MARVELD2: variants seen among roughly 807,000 people sequenced by gnomAD.
The protein encoded by MARVELD2 is MARVEL domain containing 2.
A neutral mutation model predicts 57.6 loss-of-function variants in MARVELD2; 49 were observed. The ratio of observed to expected loss-of-function variants is 0.85; its 90% CI spans 0.68 to 1.08. The LOEUF (loss-of-function observed/expected upper bound fraction) is 1.08. Among genes scored for constraint, MARVELD2 ranks in the 50% least tolerant of loss-of-function variants. MARVELD2 has a pLI of 0.00. For missense variants in MARVELD2, 606 were observed against 701.1 expected, an observed-to-expected ratio of 0.86 and a Z score of 1.53; for synonymous variants, 238 against 258.8, an observed-to-expected ratio of 0.92 and a Z score of 0.77.
intron 5 of MARVELD2, among the ~76,000 whole-genome samples, chr5:69,435,402 AC>A (rs1767102006): frequency 6.6e-6 from 1 of 152,098 alleles, no homozygotes; most frequent in Admixed American, 6.6e-5. Flanking sequence ...TAGTATAGTT[AC>A]AGAGTTTTGC....
At chr5:69,433,909 C>T (rs1186578844) in intron 5 of MARVELD2, among the ~76,000 whole-genome samples, 1 of 151,100 alleles carries the variant, frequency 6.6e-6, no homozygotes, top group African/African-American at 2.4e-5. Flanking sequence ...AACAGTATTT[C>T]TTCTTTTTTT....
chr5:69,431,507 C>G (rs895718781), intron 3 of MARVELD2, among the ~76,000 whole-genome samples: 12 of 152,140 alleles, frequency 7.9e-5, no homozygotes, highest in Non-Finnish European at 1.8e-4. Flanking sequence ...TTTAAGTAGG[C>G]TTGTTCCATT....
rs1766561455 is a variant in MARVELD2, at chr5:69,419,920, T to C, written c.535T>C (p.Tyr179His). ...AACATACAGTGAGAAGGTGGAGGAG[T>C]ATAACCTGAGATACTCCTACATGAA... ...VRTYSEKVEE[Y>H]NLRYSYMKSW... The change falls in exon 2 of 7, where the codon TAT (tyrosine) becomes CAT (histidine). Residue 179 changes from tyrosine (Y) to histidine (H), a missense_variant. By Grantham distance (83) the Tyr-to-His change is moderately conservative (BLOSUM62 2). Transcript: ENST00000325631. The C allele has an allele frequency of 6.2e-7, 1 of 1,613,284 alleles. No individual in the cohort carries two copies. Among genetic ancestry groups the C allele is most frequent in the African/African-American group, 1.3e-5 (1 of 74,606 alleles).
chr5:69,438,153 A>T (rs1056731828), intron 5 of MARVELD2, among the ~76,000 whole-genome samples: 1 of 152,146 alleles, frequency 6.6e-6, no homozygotes, highest in Non-Finnish European at 1.5e-5. Flanking sequence ...TCCCACAGAC[A>T]TGGTTGTGCA....
At chr5:69,433,118 G>A (rs1767019630) in intron 5 of MARVELD2, 25 bp downstream of exon 5, 2 of 1,590,378 alleles carry the variant, frequency 1.3e-6, no homozygotes, top group Non-Finnish European at 1.7e-6. Flanking sequence ...CTGCCTAGGA[G>A]GAGCACTGAA....
Position 69,432,621 on chromosome 5 carries a change from G to C in MARVELD2, c.1277G>C (p.Gly426Ala). 2 of 1,614,118 alleles carry C rather than the reference G, an allele frequency of 1.2e-6. No homozygotes were observed. Among genetic ancestry groups the C allele is most frequent in the Non-Finnish European group, 1.7e-6 (2 of 1,180,026 alleles). ...AAAATGAAACCTGAACTACTGAGTG[G>C]ACACATCCCCCCAGGCCACATTCCT... ...TAKMKPELLS[G>A]HIPPGHIPKP... Residue 426 changes from glycine (G) to alanine (A), a missense_variant, in exon 4 of 7, where the codon GGA becomes GCA. Coordinates refer to ENST00000325631, the MANE Select transcript of MARVELD2 (RefSeq NM_001038603.3).
chr5:69,432,929 C>T lies in MARVELD2; in HGVS notation c.1339C>T (p.Pro447Ser). ...IVMPDYVAKY[P>S]VIQTDDERER... ...CTTATGTTTTTCCCCTAGAAAATACCCTGTGATTCAGACAGATGATGAGCG... is the reference window on the plus strand; with the variant it reads ...CTTATGTTTTTCCCCTAGAAAATACTCTGTGATTCAGACAGATGATGAGCG... The change falls in exon 5 of 7, where the codon CCT becomes TCT. Residue 447 changes from proline to serine, a missense_variant. Physicochemically the swap from Pro to Ser is moderately conservative, Grantham distance 74. Transcript: ENST00000325631. 6.2e-7 allele frequency: 1 copy of T among 1,614,048 alleles called. No homozygotes were observed. The highest frequency in any genetic ancestry group is 8.5e-7 in the Non-Finnish European group (1 of 1,180,024).
intron 1 of MARVELD2, chr5:69,415,436 T>G (rs1422520595): frequency 1.3e-5 from 2 of 152,100 alleles, no homozygotes; most frequent in Non-Finnish European, 2.9e-5. Context: ...CTGGGAGGTC[T>G]CCCGGCTTAG....
intron 3 of MARVELD2, among the ~76,000 whole-genome samples, chr5:69,429,363 C>T (rs1463047265): frequency 1.3e-5 from 2 of 152,132 alleles, no homozygotes; most frequent in African/African-American, 4.8e-5. Context: ...TTTAAAGCTT[C>T]CTGGCAAGAT....
At position 69,424,651 on chromosome 5, in the gene MARVELD2, T is replaced by A; in HGVS notation, c.1182+15T>A. On this transcript the variant is annotated intron_variant, in intron 3 of 6. Coordinates refer to ENST00000325631, the MANE Select transcript of MARVELD2 (RefSeq NM_001038603.3). ...AAAGGAAAATGGTAAGAATAAAGTT[T>A]ACTTCATATTATGCTTTAGATTTGT... The A allele has an allele frequency of 6.4e-7, 1 of 1,567,320 alleles. No homozygotes were observed. The highest frequency in any genetic ancestry group is 2.2e-5 in the East Asian group (1 of 44,672).
chr5:69,425,124 C>A (rs1180520704), intron 3 of MARVELD2, among the ~76,000 whole-genome samples: 1 of 150,822 alleles, frequency 6.6e-6, no homozygotes, highest in Non-Finnish European at 1.5e-5. Context: ...AATCATCATT[C>A]TCAGTAAACT....
intron 5 of MARVELD2, 38 bp downstream of exon 5, chr5:69,433,131 C>G (rs890526486): frequency 2.0e-6 from 2 of 1,010,436 alleles, no homozygotes; most frequent in Non-Finnish European, 3.0e-6. Context: ...GCACTGAAAT[C>G]TAGAGGATGA....
chr5:69,416,460 C>T (rs930671517), intron 1 of MARVELD2, among the ~76,000 whole-genome samples: 2 of 152,168 alleles, frequency 1.3e-5, no homozygotes, highest in African/African-American at 2.4e-5. Flanking sequence ...CTTGCTTGCC[C>T]TCTTAACGTC....
intron 1 of MARVELD2, among the ~76,000 whole-genome samples, chr5:69,418,082 T>C (rs1345668035): frequency 1.3e-5 from 2 of 152,112 alleles, no homozygotes; most frequent in African/African-American, 4.8e-5. Flanking sequence ...TGCTCTGGCC[T>C]GGGAAACAGA....
At chr5:69,424,757 G>A (rs1766733630) in intron 3 of MARVELD2, 121 bp downstream of exon 3, 1 of 782,866 alleles carries the variant, frequency 1.3e-6, no homozygotes. Flanking sequence ...AGGTGTGGTG[G>A]CTCACACCTG....
intron 1 of MARVELD2, among the ~76,000 whole-genome samples, chr5:69,418,359 G>C (rs1428871874): frequency 1.3e-5 from 2 of 152,154 alleles, no homozygotes; most frequent in Admixed American, 6.5e-5. Flanking sequence ...CTGTATATGG[G>C]TGCAGAGCAT....
chr5:69,441,709 G>A lies in MARVELD2; in HGVS notation c.*55G>A. ...TTTTATTTTATTTTTTTGAGATGAA[G>A]TCTCGCTCTGTTACCCAGGCTGGAA... On this transcript the variant is annotated 3_prime_UTR_variant, in exon 7 of 7. Transcript: ENST00000325631. 1 of 1,255,730 alleles carries A rather than the reference G, an allele frequency of 8.0e-7. No individual in the cohort carries two copies. Among genetic ancestry groups the A allele is most frequent in the Non-Finnish European group, 1.1e-6 (1 of 891,868 alleles). The allele number at this position is 1,255,730 out of a possible 1,614,324, so 77.8% of individuals were successfully genotyped here.
chr5:69,437,372 ACT>A (rs1349007632), intron 5 of MARVELD2, among the ~76,000 whole-genome samples: 8 of 125,432 alleles, frequency 6.4e-5, no homozygotes, highest in Non-Finnish European at 1.2e-4. Flanking sequence ...CAAGAGCGAA[ACT>A]CTGTCTTAAA....
chr5:69,431,104 CTTCTT>C (rs997189900), intron 3 of MARVELD2, among the ~76,000 whole-genome samples: 5 of 150,156 alleles, frequency 3.3e-5, no homozygotes, highest in African/African-American at 1.2e-4. Flanking sequence ...CTCAACCTCA[CTTCTT>C]TTCTTTTCTT....
Sources: allele counts gnomAD v4.1 joint callset (sites outside exome capture counted in the v4.1 genomes callset), GRCh38; gene constraint gnomAD v4.1.1; transcripts MANE v1.5; gene names NCBI Gene and HGNC (gene_info 2026-07-23, HGNC 2026-07-21).